Variants in TMTC1 observed in about 807,000 individuals in gnomAD.
TMTC1 encodes protein O-mannosyl-transferase TMTC1.
In TMTC1, 73 loss-of-function variants were observed where a neutral mutation model predicts 104.8. The observed-to-expected ratio is 0.70, with a 90% confidence interval of 0.58 to 0.85. The LOEUF (loss-of-function observed/expected upper bound fraction) is 0.85. TMTC1 is among the 40% of genes least tolerant of loss of function. The pLI, the probability that TMTC1 is intolerant of heterozygous loss-of-function variation, is 0.00. For missense variants in TMTC1, 1,035 were observed against 1,096.1 expected (o/e 0.94, Z 0.79); for synonymous variants, 434 against 428.7 (o/e 1.01, Z -0.15).
chr12:29,736,683 G>A (rs1266820989), intron 5 of TMTC1, among the ~76,000 whole-genome samples: 1 of 152,162 alleles, frequency 6.6e-6, no homozygotes, highest in African/African-American at 2.4e-5. Context: ...CTCCCAAAGT[G>A]CTGGGATTAC....
intron 5 of TMTC1, among the ~76,000 whole-genome samples, chr12:29,639,525 A>C (rs1254016433): frequency 2.0e-5 from 3 of 152,242 alleles, no homozygotes; most frequent in African/African-American, 7.2e-5. Flanking sequence ...AGAACTTTGA[A>C]ATCCTACTAT....
chr12:29,546,886 G>A (rs1944957124), intron 10 of TMTC1, among the ~76,000 whole-genome samples: 1 of 137,490 alleles, frequency 7.3e-6, no homozygotes, highest in African/African-American at 2.5e-5. Flanking sequence ...GGGCAACATA[G>A]TGAGTCCTTT....
chr12:29,707,247 G>C (rs1415555840), intron 5 of TMTC1, among the ~76,000 whole-genome samples: 1 of 152,164 alleles, frequency 6.6e-6, no homozygotes, highest in Non-Finnish European at 1.5e-5. Flanking sequence ...CTACTACCAT[G>C]TTGGTTCGCA....
chr12:29,550,627 T>C (rs530336075), intron 10 of TMTC1, among the ~76,000 whole-genome samples: 2 of 152,036 alleles, frequency 1.3e-5, no homozygotes, highest in African/African-American at 2.4e-5. Flanking sequence ...GTCTGCATAA[T>C]TAAAAAGCCA....
At chr12:29,526,428 A>C (rs1055008362) in intron 11 of TMTC1, among the ~76,000 whole-genome samples, 1 of 152,208 alleles carries the variant, frequency 6.6e-6, no homozygotes, top group Admixed American at 6.5e-5. Context: ...ATAGAAGTTT[A>C]TTTAAATTGT....
At chr12:29,599,284 G>T (rs1407485647) in intron 7 of TMTC1, among the ~76,000 whole-genome samples, 1 of 152,190 alleles carries the variant, frequency 6.6e-6, no homozygotes, top group Admixed American at 6.5e-5. Flanking sequence ...AATGATTTCA[G>T]CCCCAAACTC....
chr12:29,682,851 T>C (rs895201368), intron 5 of TMTC1, among the ~76,000 whole-genome samples: 13 of 152,010 alleles, frequency 8.6e-5, no homozygotes, highest in South Asian at 4.2e-4. Flanking sequence ...CTTACATGAA[T>C]CCACAGATAT....
Position 29,783,402 on chromosome 12 carries a change from C to G in TMTC1, c.302+48G>C. 5 of 1,265,444 alleles carry G rather than the reference C, an allele frequency of 4.0e-6. No individual in the cohort carries two copies. The highest frequency in any genetic ancestry group is 5.0e-6 in the Non-Finnish European group (5 of 1,002,676). 78.4% of individuals were successfully genotyped at this position (1,265,444 alleles called of 1,614,324 possible). A position where few individuals can be genotyped will look rare whatever the true frequency, so the allele number is the denominator to read the frequency against. ...AACTTCTCCCGGTCCGAGGGACGGG[C>G]GGAGGGTAGAGGAGGCAGCGGCGGC... On this transcript the variant is annotated intron_variant, in intron 1 of 17. Transcript: ENST00000539277. The surrounding 1 kb of genome is among the most constrained non-coding windows in gnomAD (Gnocchi z 4.7).
intron 9 of TMTC1, among the ~76,000 whole-genome samples, chr12:29,558,853 G>A (rs1945310992): frequency 6.6e-6 from 1 of 152,152 alleles, no homozygotes; most frequent in African/African-American, 2.4e-5. Flanking sequence ...TATGATGAGG[G>A]CAAAATATGT....
intron 4 of TMTC1, among the ~76,000 whole-genome samples, chr12:29,755,224 G>C (rs1317873191): frequency 1.3e-5 from 2 of 152,272 alleles, no homozygotes; most frequent in African/African-American, 4.8e-5. Context: ...GTATGGTGTA[G>C]ACTGGCTCTT....
chr12:29,723,289 T>C (rs1246138181), intron 5 of TMTC1, among the ~76,000 whole-genome samples: 2 of 152,168 alleles, frequency 1.3e-5, no homozygotes, highest in Non-Finnish European at 2.9e-5. Context: ...AAAATTTTAA[T>C]AAAACAGCAA....
intron 5 of TMTC1, among the ~76,000 whole-genome samples, chr12:29,744,479 A>C (rs1942902295): frequency 6.6e-6 from 1 of 152,238 alleles, no homozygotes; most frequent in African/African-American, 2.4e-5. Context: ...ATTTAGAAGA[A>C]GCTTTTAGTG....
intron 10 of TMTC1, among the ~76,000 whole-genome samples, chr12:29,556,064 A>C (rs1311083106): frequency 6.9e-6 from 1 of 145,568 alleles, no homozygotes; most frequent in South Asian, 2.2e-4. Flanking sequence ...TTTTTTTTTA[A>C]GTTTAGAAGC....
intron 5 of TMTC1, among the ~76,000 whole-genome samples, chr12:29,732,516 C>T (rs79893797): frequency 0.02 from 2,976 of 152,232 alleles, 54 homozygotes; most frequent in East Asian, 0.079. Context: ...GCCTTAAAGG[C>T]CAGAGAAATC....
chr12:29,605,334 T>C (rs1946669557), intron 6 of TMTC1, among the ~76,000 whole-genome samples: 1 of 152,046 alleles, frequency 6.6e-6, no homozygotes, highest in South Asian at 2.1e-4. Flanking sequence ...TTTAAACATC[T>C]TGGGATACTT....
At chr12:29,517,870 A>G (rs962958002) in intron 13 of TMTC1, among the ~76,000 whole-genome samples, 5 of 152,070 alleles carry the variant, frequency 3.3e-5, no homozygotes, top group Non-Finnish European at 7.4e-5. Context: ...GCCCGCCATC[A>G]TGCCCGGCTA....
chr12:29,773,584 A>T (rs1328498105), intron 1 of TMTC1, among the ~76,000 whole-genome samples: 1 of 151,798 alleles, frequency 6.6e-6, no homozygotes, highest in Non-Finnish European at 1.5e-5. Flanking sequence ...AGACATCATG[A>T]CTCTACATGT....
At chr12:29,580,160 T>A (rs1945936947) in intron 8 of TMTC1, among the ~76,000 whole-genome samples, 1 of 151,782 alleles carries the variant, frequency 6.6e-6, no homozygotes, top group Non-Finnish European at 1.5e-5. Context: ...CTACAAAACA[T>A]AAAAAAATAT....
intron 7 of TMTC1, among the ~76,000 whole-genome samples, chr12:29,593,767 G>C (rs1417245630): frequency 6.6e-6 from 1 of 152,216 alleles, no homozygotes; most frequent in African/African-American, 2.4e-5. Context: ...TAATGAGGAA[G>C]CTTTTGCATT....
Sources: gnomAD v4.1 joint callset for allele counts (sites outside exome capture counted in the v4.1 genomes callset) on GRCh38, gnomAD v4.1.1 for gene constraint, Gnocchi (gnomAD v3.1) non-coding constraint, MANE v1.5 for transcripts, NCBI Gene and HGNC (gene_info 2026-07-23, HGNC 2026-07-21) for gene names.